Variants in CELSR3 observed in about 807,000 individuals in gnomAD.
CELSR3 encodes the protein EGF-like protein 1.
CELSR3 carries 73 observed loss-of-function variants against 270.0 expected under a neutral mutation model. That is an observed-to-expected ratio of 0.27 (90% CI 0.22 to 0.33). The LOEUF is 0.33. CELSR3 is among the 10% of genes least tolerant of loss of function. The pLI is 1.00. For missense variants in CELSR3, 3,614 were observed against 4,533.8 expected (o/e 0.80, Z 5.83); for synonymous variants, 1,780 against 1,905.4 (o/e 0.93, Z 1.71).
rs149882186 is a variant in CELSR3, at chr3:48,650,929, G to A, written c.6333C>T (p.Asp2111=). 1.7e-5 allele frequency: 28 copies of A among 1,611,418 alleles called. No homozygotes were observed. Among genetic ancestry groups the A allele is most frequent in the Non-Finnish European group, 2.4e-5 (28 of 1,179,812 alleles). The change falls in exon 15 of 35, where the codon GAC becomes GAT. Residue 2111 remains aspartate, a synonymous_variant. Transcript: ENST00000164024. The surrounding 1 kb of genome is among the most constrained non-coding windows in gnomAD (Gnocchi z 5.1). ...TGGCTGTCACCTCTGCGAAGGGACT[G>A]TCACAGCTGTTGCACTGGCGGCCAA... ...GALGRQCNSC[D]SPFAEVTASG...
rs2047156387 is a variant in CELSR3, at chr3:48,653,612, G to A, written c.5448+7C>T. The A allele has an allele frequency of 2.5e-6, 4 of 1,613,224 alleles. No individual in the cohort carries two copies. The South Asian group carries it at 4.4e-5, about 18-fold the overall frequency. On this transcript the variant is annotated splice_region_variant and intron_variant, in intron 9 of 34. Coordinates refer to ENST00000164024, the MANE Select transcript of CELSR3 (RefSeq NM_001407.3). The surrounding 1 kb of genome is among the most constrained non-coding windows in gnomAD (Gnocchi z 6.5). The stretch of plus-strand genomic sequence containing the variant: ...TGAGGGTATAGGGGTGAGCAGGGTG[G>A]ACACACCTGGCAAAGGAGCGTGCTG...
rs1240476457 is a variant in CELSR3 at position 48,659,439 on chromosome 3, C to A, written c.3196G>T (p.Val1066Phe). ...MVQDVNDNAP[V>F]FPAEEFEVRV... ...ACCTCAAACTCCTCAGCTGGGAAGA[C>A]AGGTGCATTGTCGTTCACATCCTGC... Residue 1066 changes from valine to phenylalanine, a missense_variant, in exon 1 of 35, where the codon GTC becomes TTC. Val to Phe is a conservative substitution (Grantham distance 50, BLOSUM62 -1). Coordinates refer to ENST00000164024, the MANE Select transcript of CELSR3 (RefSeq NM_001407.3). This position sits in a 1 kb window ranked among gnomAD's most constrained non-coding sequence, Gnocchi z 8.1. 4.3e-6 allele frequency: 7 copies of A among 1,614,214 alleles called. No individual in the cohort carries two copies. Among genetic ancestry groups the A allele is most frequent in the Non-Finnish European group, 5.9e-6 (7 of 1,180,038 alleles).
At position 48,651,111 on chromosome 3, in the gene CELSR3, G is replaced by T. The variant is rs369797180; in HGVS notation, c.6187-36C>A. On this transcript the variant is annotated intron_variant, in intron 14 of 34. Transcript: ENST00000164024. This position sits in a 1 kb window ranked among gnomAD's most constrained non-coding sequence, Gnocchi z 7.4. ...ATGGGCCAGGGGCCTGAAGTCAGAG[G>T]TCAGGGCTTGGGGAATGAGTGGAAT... The T allele has an allele frequency of 3.3e-6, 5 of 1,532,520 alleles. No individual in the cohort carries two copies. The African/African-American group carries it at 4.1e-5, about 13-fold the overall frequency. 94.9% of individuals were successfully genotyped at this position (1,532,520 alleles called of 1,614,324 possible).
rs896400097 is a variant in CELSR3 at position 48,638,130 on chromosome 3, C to T, written c.*75G>A. The T allele has an allele frequency of 2.2e-6, 3 of 1,358,630 alleles. No individual in the cohort carries two copies. Among genetic ancestry groups the T allele is most frequent in the Non-Finnish European group, 3.2e-6 (3 of 948,910 alleles). 84.2% of individuals were successfully genotyped at this position (1,358,630 alleles called of 1,614,324 possible). ...CAGGAGGCTGCCTTGGGATCTGCCC[C>T]CACTCCTGGAGTCTCTCCTGTTAGC... On this transcript the variant is annotated 3_prime_UTR_variant, in exon 35 of 35. Coordinates refer to ENST00000164024, the MANE Select transcript of CELSR3 (RefSeq NM_001407.3).
At position 48,642,252 on chromosome 3, in the gene CELSR3, G is replaced by T; in HGVS notation, c.8665+106C>A. The T allele has an allele frequency of 1.6e-6, 2 of 1,251,640 alleles. No homozygotes were observed. The highest frequency in any genetic ancestry group is 2.2e-6 in the Non-Finnish European group (2 of 912,552). 77.5% of individuals were successfully genotyped at this position (1,251,640 alleles called of 1,614,324 possible). On this transcript the variant is annotated intron_variant, in intron 31 of 34. Coordinates refer to ENST00000164024, the MANE Select transcript of CELSR3 (RefSeq NM_001407.3). The surrounding 1 kb of genome is among the most constrained non-coding windows in gnomAD (Gnocchi z 6.1). ...CTCCTGAGGCAGGGACCCTGGGGGA[G>T]ATCGTCCCACCCCAGTCAGCCACTG... is the stretch of plus-strand genomic sequence containing the variant.
Position 48,645,245 on chromosome 3 carries a change from C to G in CELSR3, c.7798-36G>C, listed in dbSNP as rs1304941362. ...GGGGGCGTGTCAGGACCTCTCCTGC[C>G]TCACCCACCTCTGACCCCTACCCCA... On this transcript the variant is annotated intron_variant, in intron 24 of 34. Coordinates refer to ENST00000164024, the MANE Select transcript of CELSR3 (RefSeq NM_001407.3). The surrounding 1 kb of genome is among the most constrained non-coding windows in gnomAD (Gnocchi z 5.4). 1 of 1,553,056 alleles carries G rather than the reference C, an allele frequency of 6.4e-7. No individual in the cohort carries two copies. Among genetic ancestry groups the G allele is most frequent in the South Asian group, 1.2e-5 (1 of 82,520 alleles).
At chr3:48,649,948 T>TG (rs1488892589) in intron 16 of CELSR3, among the ~76,000 whole-genome samples, 1 of 148,508 alleles carries the variant, frequency 6.7e-6, no homozygotes, top group Non-Finnish European at 1.5e-5. Flanking sequence ...CCTCAGGCAG[T>TG]GGGGAGGGGC....
chr3:48,661,883 G>C lies in CELSR3; in HGVS notation c.752C>G (p.Thr251Arg), dbSNP rs780644392. The change falls in exon 1 of 35, where the codon ACG becomes AGG. Residue 251 changes from threonine to arginine, a missense_variant. By Grantham distance (71) the Thr-to-Arg change is moderately conservative. Transcript: ENST00000164024. ...SGPELDSAPR[T>R]ARTAPASGSA... ...ACCTGATGCAGGAGCTGTCCTCGCC[G>C]TGCGTGGTGCTGAATCCAGCTCGGG... 25 of 1,611,418 alleles carry C rather than the reference G, an allele frequency of 1.6e-5. No homozygotes were observed. The highest frequency in any genetic ancestry group is 1.8e-5 in the Non-Finnish European group (21 of 1,179,664).
chr3:48,645,919 G>C lies in CELSR3; in HGVS notation c.7464-51C>G. The C allele has an allele frequency of 6.3e-7, 1 of 1,579,282 alleles. No individual in the cohort carries two copies. The highest frequency in any genetic ancestry group is 8.6e-7 in the Non-Finnish European group (1 of 1,159,690). ...AACTGTGACCCAGTGTCAGGCAGGG[G>C]TTTGTGAGAGATCATGGGAAGGGCT... On this transcript the variant is annotated intron_variant, in intron 22 of 34. Coordinates refer to ENST00000164024, the MANE Select transcript of CELSR3 (RefSeq NM_001407.3). The surrounding 1 kb of genome is among the most constrained non-coding windows in gnomAD (Gnocchi z 5.4).
rs116305673 is a variant in CELSR3 at position 48,657,594 on chromosome 3, C to G, written c.3749-246G>C. On this transcript the variant is annotated intron_variant, in intron 1 of 34. Coordinates refer to ENST00000164024, the MANE Select transcript of CELSR3 (RefSeq NM_001407.3). The surrounding 1 kb of genome is among the most constrained non-coding windows in gnomAD (Gnocchi z 5.4). ...GGAGGGGTCTGGGCCAAGGATCAAG[C>G]AACCCCACACAGTGCCCATGGGTTA... Among the ~76,000 whole-genome samples the G allele has an allele frequency of 6.4e-3, 972 of 152,306 alleles. 4 individuals are homozygous for G. The highest frequency in any genetic ancestry group is 0.011 in the Non-Finnish European group (715 of 68,026).
Position 48,640,514 on chromosome 3 carries a change from C to T in CELSR3, c.9071G>A (p.Arg3024Gln), listed in dbSNP as rs536246135. ...RLQYPLVPQT[R>Q]GAPELSWCRA... ...GCACCAGGACAGCTCAGGGGCACCT[C>T]GGGTCTGTGGCACCAGTGGGTATTG... Residue 3024 changes from arginine to glutamine, a missense_variant, in exon 34 of 35, where the codon CGA (arginine) becomes CAA (glutamine). Physicochemically the swap from Arg to Gln is conservative, Grantham distance 43. Transcript: ENST00000164024. The surrounding 1 kb of genome is among the most constrained non-coding windows in gnomAD (Gnocchi z 7.5). The T allele has an allele frequency of 4.6e-5, 74 of 1,604,746 alleles. No individual in the cohort carries two copies. The South Asian group carries it at 5.5e-4, about 12-fold the overall frequency.
rs759341431 is a variant in CELSR3, at chr3:48,642,366, C to T, written c.8657G>A (p.Arg2886Gln). ...CCAGGCCCCAACTCCACCAGCATCT[C>T]GATGGAACATGGCCACGTCCAGGTC... ...PTDLDVAMFH[R>Q]DAGADSDSDS... The change falls in exon 31 of 35, where the codon CGA becomes CAA. Residue 2886 changes from arginine to glutamine, a missense_variant. Around this residue, in one of 7 missense-constraint regions of CELSR3, gnomAD observed 1,240 missense variants for 1,351.7 expected, o/e 0.92. Transcript: ENST00000164024. This position sits in a 1 kb window ranked among gnomAD's most constrained non-coding sequence, Gnocchi z 6.1. 3.7e-6 allele frequency: 6 copies of T among 1,612,542 alleles called. No individual in the cohort carries two copies. The highest frequency in any genetic ancestry group is 3.3e-5 in the South Asian group (3 of 91,012).
At position 48,661,594 on chromosome 3, in the gene CELSR3, C is replaced by T; in HGVS notation, c.1041G>A (p.Val347=). ...NEAAGTAVLR[V]VAQDPDAGEA... ...CGCCGGCGTCCGGGTCCTGAGCAAC[C>T]ACGCGTAGCACCGCGGTGCCTGCTG... The change falls in exon 1 of 35, where the codon GTG becomes GTA. Residue 347 remains valine (V), a synonymous_variant. Transcript: ENST00000164024. 2 of 1,609,516 alleles carry T rather than the reference C, an allele frequency of 1.2e-6. No homozygotes were observed. Among genetic ancestry groups the T allele is most frequent in the Non-Finnish European group, 1.7e-6 (2 of 1,178,776 alleles).
rs770973133 is a variant in CELSR3 at position 48,645,592 on chromosome 3, A to C, written c.7648T>G (p.Ser2550Ala). The change falls in exon 24 of 35, where the codon TCT becomes GCT. Residue 2550 changes from serine to alanine, a missense_variant. This residue lies in a region of CELSR3 where 1,240 missense variants were observed against 1,351.7 expected (regional missense o/e 0.92). Coordinates refer to ENST00000164024, the MANE Select transcript of CELSR3 (RefSeq NM_001407.3). The surrounding 1 kb of genome is among the most constrained non-coding windows in gnomAD (Gnocchi z 5.4). ...AVFTHVVVAV[S>A]VAALVLTAAI... is the part of the protein sequence containing the mutation. ...GCAGTCAGCACCAGCGCAGCCACAG[A>C]CACAGCCACGACCACGTGGGTGAAC... The C allele has an allele frequency of 5.0e-6, 8 of 1,612,592 alleles. No individual in the cohort carries two copies. In the South Asian group the frequency reaches 7.7e-5, roughly 15 times the overall value.
At position 48,647,888 on chromosome 3, in the gene CELSR3, G is replaced by A. The variant is rs199577606; in HGVS notation, c.7082C>T (p.Thr2361Ile). The change falls in exon 20 of 35, where the codon ACC becomes ATC. Residue 2361 changes from threonine to isoleucine, a missense_variant. Physicochemically the swap from Thr to Ile is moderately conservative, Grantham distance 89. Around this residue, in one of 7 missense-constraint regions of CELSR3, gnomAD observed 1,240 missense variants for 1,351.7 expected, o/e 0.92. Coordinates refer to ENST00000164024, the MANE Select transcript of CELSR3 (RefSeq NM_001407.3). ...FRGQDAWDPH[T>I]HVLLPSQSPR... Reference sequence around the variant, plus strand: ...GGACTGGGAAGGCAGCAGCACATGGGTGTGAGGATCCCAGGCATCCTGGCC... The same window carrying A: ...GGACTGGGAAGGCAGCAGCACATGGATGTGAGGATCCCAGGCATCCTGGCC... 2.5e-6 allele frequency: 4 copies of A among 1,611,772 alleles called. No homozygotes were observed. In the Admixed American group the frequency reaches 6.7e-5, roughly 27 times the overall value.
Position 48,641,700 on chromosome 3 carries a change from G to A in CELSR3, c.8824+151C>T, listed in dbSNP as rs939543903. ...ACTGGTGAGCTCCCTCCCCTTAACT[G>A]GAGGTGGACAGAGACTAAAAGTTGG... is the stretch of plus-strand genomic sequence containing the variant. On this transcript the variant is annotated intron_variant, in intron 32 of 34. Coordinates refer to ENST00000164024, the MANE Select transcript of CELSR3 (RefSeq NM_001407.3). This position sits in a 1 kb window ranked among gnomAD's most constrained non-coding sequence, Gnocchi z 4.8. 2.2e-6 allele frequency: 2 copies of A among 891,590 alleles called. No individual in the cohort carries two copies. The highest frequency in any genetic ancestry group is 3.4e-5 in the African/African-American group (2 of 59,008). 55.2% of individuals were successfully genotyped at this position (891,590 alleles called of 1,614,324 possible).
chr3:48,645,326 G>T lies in CELSR3; in HGVS notation c.7797+117C>A. On this transcript the variant is annotated intron_variant, in intron 24 of 34. Coordinates refer to ENST00000164024, the MANE Select transcript of CELSR3 (RefSeq NM_001407.3). This position sits in a 1 kb window ranked among gnomAD's most constrained non-coding sequence, Gnocchi z 5.4. ...CCACAATATCTTACCCCAGCATCCT[G>T]CTGAAAACCCTGGCCCCAACCTGAG... The T allele has an allele frequency of 6.5e-7, 1 of 1,549,720 alleles. No individual in the cohort carries two copies. The highest frequency in any genetic ancestry group is 8.8e-7 in the Non-Finnish European group (1 of 1,134,268).
chr3:48,649,031 C>G (rs2106708690), intron 17 of CELSR3, 90 bp downstream of exon 17: 1 of 1,542,222 alleles, frequency 6.5e-7, no homozygotes, highest in East Asian at 2.3e-5. Context: ...AGGAAAGGCT[C>G]AGGAGTTCAA....
rs201146327 is a variant in CELSR3 at position 48,655,372 on chromosome 3, G to A, written c.4764C>T (p.Ser1588=). Residue 1588 remains serine, a synonymous_variant, in exon 5 of 35, where the codon AGC becomes AGT. Transcript: ENST00000164024. The surrounding 1 kb of genome is among the most constrained non-coding windows in gnomAD (Gnocchi z 5.8). ...YSTGESNTVV[S]PTVPGGLSDG... ...CACTCAAGCCCCCTGGAACTGTGGG[G>A]CTGACCACGGTGTTGGATTCACCTG... 10 of 1,614,104 alleles carry A rather than the reference G, an allele frequency of 6.2e-6. No homozygotes were observed. In the East Asian group the frequency reaches 2.2e-4, roughly 36 times the overall value.
Sources: allele counts gnomAD v4.1 joint callset (sites outside exome capture counted in the v4.1 genomes callset), GRCh38; gene constraint gnomAD v4.1.1; regional missense constraint gnomAD v4.1.1; non-coding constraint Gnocchi (gnomAD v3.1); transcripts MANE v1.5; gene names NCBI Gene and HGNC (gene_info 2026-07-23, HGNC 2026-07-21).